KIF1C: variants seen among roughly 807,000 people sequenced by gnomAD.
KIF1C encodes the protein kinesin-like protein KIF1C.
Under a neutral mutation model 126.5 loss-of-function variants are expected in KIF1C, and 61 were observed. The observed-to-expected ratio is 0.48, with a 90% CI of 0.39 to 0.60. The LOEUF (loss-of-function observed/expected upper bound fraction) is 0.60. Among genes scored for constraint, KIF1C ranks in the 20% least tolerant of loss-of-function variants. The probability of loss-of-function intolerance (pLI) is 0.00; values close to 1 mark genes in which losing one functional copy is unlikely to be tolerated. For synonymous variants in KIF1C, 640 were observed against 580.6 expected (o/e 1.10, Z -1.47); for missense variants, 1,315 against 1,489.2 (o/e 0.88, Z 1.93).
chr17:5,002,336 C>G, intron 6 of KIF1C, 128 bp from the exon 7 acceptor site: 1 of 1,009,418 alleles, frequency 9.9e-7, no homozygotes, highest in Non-Finnish European at 1.5e-6. Flanking sequence ...GCTGAGCTAG[C>G]ATCTGCAGAA....
At position 5,004,971 on chromosome 17, in the gene KIF1C, C is replaced by G. The variant is rs79290524; in HGVS notation, c.1136C>G (p.Ala379Gly). 5.0e-4 allele frequency: 806 copies of G among 1,614,240 alleles called. 1 individual carries two copies. The highest frequency in any genetic ancestry group is 6.2e-4 in the Non-Finnish European group (732 of 1,180,038). The change falls in exon 13 of 23, where the codon GCT becomes GGT. Residue 379 changes from alanine to glycine, a missense_variant. Physicochemically the swap from Ala to Gly is moderately conservative, Grantham distance 60 (BLOSUM62 0). This residue lies in a region of KIF1C where 874 missense variants were observed against 1,053.2 expected (regional missense o/e 0.83). Coordinates refer to ENST00000320785, the MANE Select transcript of KIF1C (RefSeq NM_006612.6). The part of the protein sequence containing the change: ...EVARLRELLM[A>G]QGLSASALEG... ...GCCCGGCTGCGGGAACTGCTGATGG[C>G]TCAGGGACTGTCAGCCTCTGCTCTG...
intron 17 of KIF1C, chr17:5,014,442 C>G: frequency 2.7e-6 from 1 of 366,220 alleles, no homozygotes; most frequent in Non-Finnish European, 5.1e-6. Context: ...GATCTCTAAA[C>G]AGCTGCCTCC....
intron 16 of KIF1C, among the ~76,000 whole-genome samples, chr17:5,008,093 A>T (rs1974776017): frequency 6.6e-6 from 1 of 152,118 alleles, no homozygotes; most frequent in Admixed American, 6.5e-5. Flanking sequence ...GGCCAACATG[A>T]GGTTGAAGAG....
chr17:5,007,907 T>C (rs941134598), intron 16 of KIF1C, among the ~76,000 whole-genome samples: 4 of 152,214 alleles, frequency 2.6e-5, no homozygotes, highest in African/African-American at 9.6e-5. Flanking sequence ...CTAAAGGGAA[T>C]AGAGGAGGCA....
At chr17:5,009,895 C>T (rs1178914852) in intron 16 of KIF1C, among the ~76,000 whole-genome samples, 10 of 151,926 alleles carry the variant, frequency 6.6e-5, no homozygotes, top group Admixed American at 1.3e-4. Flanking sequence ...CTCACATTCA[C>T]GGCCTCTCTA....
intron 4 of KIF1C, 119 bp from the exon 5 acceptor site, chr17:5,001,103 A>C (rs966002516): frequency 4.6e-6 from 5 of 1,094,270 alleles, no homozygotes; most frequent in African/African-American, 1.5e-5. Context: ...TGAGGGTGGG[A>C]GGGCACACAG....
At chr17:4,998,557 C>G (rs1277133264) in intron 1 of KIF1C, among the ~76,000 whole-genome samples, 1 of 152,240 alleles carries the variant, frequency 6.6e-6, no homozygotes, top group Admixed American at 6.5e-5. Context: ...CCGTGCCACC[C>G]CATCCCTGTC....
At chr17:5,013,584 C>A in intron 16 of KIF1C, 69 bp from the exon 17 acceptor site, 1 of 1,155,798 alleles carries the variant, frequency 8.7e-7, no homozygotes, top group Non-Finnish European at 1.3e-6. Flanking sequence ...CTCCTCCCAC[C>A]GCTCCCTTTC....
chr17:5,006,891 C>A, intron 13 of KIF1C, 24 bp from the exon 14 acceptor site: 1 of 1,611,442 alleles, frequency 6.2e-7, no homozygotes, highest in African/African-American at 1.3e-5. Context: ...TAGCCTCATT[C>A]TTTTTCCTCT....
intron 1 of KIF1C, among the ~76,000 whole-genome samples, chr17:4,998,828 G>T (rs1487271194): frequency 6.6e-6 from 1 of 152,128 alleles, no homozygotes; most frequent in African/African-American, 2.4e-5. Flanking sequence ...TATCCTTCGT[G>T]GTCCTCCTCC....
rs28446740 is a variant in KIF1C at position 5,020,710 on chromosome 17, C to T, written c.1937+32C>T. 0.037 allele frequency: 59,200 copies of T among 1,610,668 alleles called. 1,226 individuals carry two copies. Among genetic ancestry groups the T allele is most frequent in the Non-Finnish European group, 0.041 (48,119 of 1,177,606 alleles). On this transcript the variant is annotated intron_variant, in intron 20 of 22. Transcript: ENST00000320785. The surrounding 1 kb of genome is among the most constrained non-coding windows in gnomAD (Gnocchi z 5.8). Reference sequence around the variant, plus strand: ...GGGGGTTACCCACGTGCCCCATGGCCGTCTAGGCCGTCCCTCCCGGGCCTC... The same window carrying T: ...GGGGGTTACCCACGTGCCCCATGGCTGTCTAGGCCGTCCCTCCCGGGCCTC...
rs1460513876 is a variant in KIF1C at position 5,024,211 on chromosome 17, C to T, written c.*60C>T. ...CCTTGCTAGGAGAAGGGAAGACGCCCGAGACGCTGCTTCCCCAGAAGTGCT... is the reference window on the plus strand; with the variant it reads ...CCTTGCTAGGAGAAGGGAAGACGCCTGAGACGCTGCTTCCCCAGAAGTGCT... On this transcript the variant is annotated 3_prime_UTR_variant, in exon 23 of 23. Transcript: ENST00000320785. 1.7e-5 allele frequency: 21 copies of T among 1,215,196 alleles called. No homozygotes were observed. Among genetic ancestry groups the T allele is most frequent in the African/African-American group, 6.1e-5 (4 of 65,236 alleles). 75.3% of individuals were successfully genotyped at this position (1,215,196 alleles called of 1,614,324 possible).
At chr17:5,005,801 A>T (rs939545429) in intron 13 of KIF1C, among the ~76,000 whole-genome samples, 1 of 148,438 alleles carries the variant, frequency 6.7e-6, no homozygotes, top group Admixed American at 6.8e-5. Flanking sequence ...ATCTTGGCTC[A>T]CTGCAACCTC....
At position 5,023,920 on chromosome 17, in the gene KIF1C, C is replaced by T. The variant is rs752457302; in HGVS notation, c.3081C>T (p.His1027=). 6.4e-7 allele frequency: 1 copy of T among 1,565,736 alleles called. No homozygotes were observed. The highest frequency in any genetic ancestry group is 8.7e-7 in the Non-Finnish European group (1 of 1,155,098). Residue 1027 remains histidine (H), a synonymous_variant, in exon 23 of 23, where the codon CAC becomes CAT. Coordinates refer to ENST00000320785, the MANE Select transcript of KIF1C (RefSeq NM_006612.6). The surrounding 1 kb of genome is among the most constrained non-coding windows in gnomAD (Gnocchi z 4.2). ...GGCCTCCGAGTCCCCGAAGGTCCCACCATCCCCGCAGGAACTCCCTGGATG... is the reference window on the plus strand; with the variant it reads ...GGCCTCCGAGTCCCCGAAGGTCCCATCATCCCCGCAGGAACTCCCTGGATG... ...ARRPPSPRRS[H]HPRRNSLDGG...
chr17:5,019,605 CAGG>C (rs977424559), intron 18 of KIF1C: 3 of 226,668 alleles, frequency 1.3e-5, no homozygotes, highest in African/African-American at 6.9e-5. Flanking sequence ...TGGAGGAGCC[CAGG>C]CCCCACCAGG....
intron 16 of KIF1C, among the ~76,000 whole-genome samples, chr17:5,008,254 A>G (rs749156045): frequency 7.2e-5 from 11 of 152,178 alleles, no homozygotes; most frequent in Non-Finnish European, 1.6e-4. Context: ...TGATACTCCA[A>G]ATATTAATAA....
Position 5,014,810 on chromosome 17 carries a change from C to T in KIF1C, c.1639C>T (p.Arg547Trp), listed in dbSNP as rs146618482. The change falls in exon 18 of 23, where the codon CGG (arginine) becomes TGG (tryptophan). Residue 547 changes from arginine (R) to tryptophan (W), a missense_variant. Around this residue, in one of 2 missense-constraint regions of KIF1C, gnomAD observed 874 missense variants for 1,053.2 expected, o/e 0.83. Transcript: ENST00000320785. ...QFIREQHCLF[R>W]SIPQPDGEVV... Reference sequence around the variant, plus strand: ...CATTCGGGAGCAACACTGTCTGTTCCGGAGCATCCCCCAGCCAGATGGAGA... The same window carrying T: ...CATTCGGGAGCAACACTGTCTGTTCTGGAGCATCCCCCAGCCAGATGGAGA... The T allele has an allele frequency of 1.5e-5, 24 of 1,599,376 alleles. No individual in the cohort carries two copies. The highest frequency in any genetic ancestry group is 1.4e-4 in the South Asian group (12 of 87,876).
At position 5,014,769 on chromosome 17, in the gene KIF1C, A is replaced by C. The variant is rs1049225304; in HGVS notation, c.1598A>C (p.Lys533Thr). Residue 533 changes from lysine (K) to threonine (T), a missense_variant, in exon 18 of 23, where the codon AAG becomes ACG. Physicochemically the swap from Lys to Thr is moderately conservative, Grantham distance 78. Coordinates refer to ENST00000320785, the MANE Select transcript of KIF1C (RefSeq NM_006612.6). ...GTCGGCCAAGTAGATATGGACATCA[A>C]GCTGACCGGACAGTTCATTCGGGAG... is the stretch of plus-strand genomic sequence containing the variant. ...TRVGQVDMDI[K>T]LTGQFIREQH... is the part of the protein sequence containing the mutation. 1.3e-6 allele frequency: 2 copies of C among 1,599,550 alleles called. No homozygotes were observed. Among genetic ancestry groups the C allele is most frequent in the Admixed American group, 1.7e-5 (1 of 57,574 alleles).
At position 5,023,558 on chromosome 17, in the gene KIF1C, C is replaced by G. The variant is rs758990694; in HGVS notation, c.2719C>G (p.Arg907Gly). Residue 907 changes from arginine (R) to glycine (G), a missense_variant, in exon 23 of 23, where the codon CGC (arginine) becomes GGC (glycine). Arg to Gly is a moderately radical substitution (Grantham distance 125). This residue lies in a region of KIF1C where 441 missense variants were observed against 436.1 expected (regional missense o/e 1.01). Coordinates refer to ENST00000320785, the MANE Select transcript of KIF1C (RefSeq NM_006612.6). This position sits in a 1 kb window ranked among gnomAD's most constrained non-coding sequence, Gnocchi z 4.2. ...EAAEEAAPSD[R>G]MPSARPPSPP... The stretch of plus-strand genomic sequence containing the variant: ...AGCAGAGGAGGCAGCCCCCAGTGAC[C>G]GCATGCCGTCAGCCCGGCCCCCCTC... The G allele has an allele frequency of 6.2e-7, 1 of 1,613,588 alleles. No homozygotes were observed. The highest frequency in any genetic ancestry group is 2.2e-5 in the East Asian group (1 of 44,840).
Sources: gnomAD v4.1 joint callset for allele counts (sites outside exome capture counted in the v4.1 genomes callset) on GRCh38, gnomAD v4.1.1 for gene constraint, gnomAD v4.1.1 regional missense constraint, Gnocchi (gnomAD v3.1) non-coding constraint, MANE v1.5 for transcripts, NCBI Gene and HGNC (gene_info 2026-07-23, HGNC 2026-07-21) for gene names.